The following MCM9 variants were observed in gnomAD, a reference collection of about 807,000 sequenced individuals.
MCM9 encodes the protein minichromosome maintenance 9 homologous recombination repair factor, also known as DNA helicase MCM9.
In MCM9, 55 loss-of-function variants were observed where a neutral mutation model predicts 72.8. That is an observed-to-expected ratio of 0.76 (90% confidence interval 0.61 to 0.95). MCM9 has a LOEUF of 0.95. MCM9 is among the 40% of genes least tolerant of loss of function. The probability of loss-of-function intolerance (pLI) is 0.00; values close to 1 mark genes in which losing one functional copy is unlikely to be tolerated. For synonymous variants in MCM9, 480 were observed against 503.4 expected (o/e 0.95, Z 0.62); for missense variants, 1,279 against 1,377.0 (o/e 0.93, Z 1.13).
chr6:118,815,122 T>C lies in MCM9; in HGVS notation c.3134A>G (p.Asn1045Ser). The C allele has an allele frequency of 6.4e-7, 1 of 1,550,726 alleles. No homozygotes were observed. Among genetic ancestry groups the C allele is most frequent in the African/African-American group, 1.4e-5 (1 of 73,140 alleles). Residue 1045 changes from asparagine (N) to serine (S), a missense_variant, in exon 14 of 14, where the codon AAT becomes AGT. Asn to Ser is a conservative substitution (Grantham distance 46, BLOSUM62 1). Coordinates refer to ENST00000619706, the MANE Select transcript of MCM9 (RefSeq NM_017696.3). ...GDKKEEVSGSNKSGKVHACTL... is the reference protein window; with the variant it reads ...GDKKEEVSGSSKSGKVHACTL... The stretch of plus-strand genomic sequence containing the variant: ...GCAGGCATGAACCTTGCCGCTTTTA[T>C]TACTGCCTGAAACCTCTTCCTTTTT...
intron 12 of MCM9, 56 bp downstream of exon 12, chr6:118,826,726 T>A (rs1213053674): frequency 1.3e-5 from 18 of 1,344,520 alleles, no homozygotes; most frequent in Middle Eastern, 1.8e-4. Context: ...TGTCCTTTTT[T>A]AAAAAAAAGA....
intron 8 of MCM9, among the ~76,000 whole-genome samples, chr6:118,884,948 G>C (rs1373227836): frequency 2.0e-5 from 3 of 152,154 alleles, no homozygotes; most frequent in African/African-American, 7.2e-5. Flanking sequence ...TGTAATCCCA[G>C]CACTTTAGGA....
chr6:118,852,301 G>A (rs765791792), intron 9 of MCM9, among the ~76,000 whole-genome samples: 2 of 151,948 alleles, frequency 1.3e-5, no homozygotes, highest in African/African-American at 2.4e-5. Context: ...TGGTTTAAAG[G>A]AGAAATAATG....
At chr6:118,885,816 A>G (rs192820024) in intron 8 of MCM9, among the ~76,000 whole-genome samples, 2 of 152,346 alleles carry the variant, frequency 1.3e-5, no homozygotes, top group Admixed American at 6.5e-5. Flanking sequence ...AATTCATTCT[A>G]TAGGCAGTAT....
At chr6:118,819,208 G>T (rs1773620693) in intron 13 of MCM9, among the ~76,000 whole-genome samples, 2 of 152,170 alleles carry the variant, frequency 1.3e-5, no homozygotes, top group Admixed American at 1.3e-4. Flanking sequence ...AGTTTTCAAG[G>T]GGAATGCTTC....
chr6:118,861,563 T>C (rs1776906197), intron 8 of MCM9, among the ~76,000 whole-genome samples: 1 of 152,162 alleles, frequency 6.6e-6, no homozygotes, highest in Non-Finnish European at 1.5e-5. Flanking sequence ...CCGAAGTGGG[T>C]AGCTGCTTTC....
intron 8 of MCM9, among the ~76,000 whole-genome samples, chr6:118,858,554 AAAAT>A (rs1776710663): frequency 6.6e-6 from 1 of 152,178 alleles, no homozygotes; most frequent in Non-Finnish European, 1.5e-5. Context: ...TACAGACTGA[AAAAT>A]AAATAAATAA....
intron 8 of MCM9, among the ~76,000 whole-genome samples, chr6:118,906,903 A>C (rs532387853): frequency 4.6e-5 from 7 of 152,192 alleles, no homozygotes; most frequent in Non-Finnish European, 1.0e-4. Context: ...CCATTGATCC[A>C]ATTTGTTATC....
chr6:118,895,585 C>A (rs993374450), intron 8 of MCM9, among the ~76,000 whole-genome samples: 1 of 151,984 alleles, frequency 6.6e-6, no homozygotes, highest in Admixed American at 6.5e-5. Flanking sequence ...TCCAAGAATT[C>A]TTGGTATTTT....
chr6:118,901,890 AC>A (rs1401732092), intron 8 of MCM9, among the ~76,000 whole-genome samples: 2 of 152,188 alleles, frequency 1.3e-5, no homozygotes, highest in Non-Finnish European at 2.9e-5. Flanking sequence ...TTAAATGAAT[AC>A]CATTGGTCAA....
intron 7 of MCM9, 119 bp downstream of exon 7, chr6:118,913,176 G>A: frequency 8.4e-7 from 1 of 1,186,048 alleles, no homozygotes; most frequent in Non-Finnish European, 1.2e-6. Context: ...ACAACTGTCA[G>A]TTTTATAAGA....
chr6:118,892,653 G>A (rs2114462630), intron 8 of MCM9, among the ~76,000 whole-genome samples: 1 of 152,268 alleles, frequency 6.6e-6, no homozygotes, highest in East Asian at 1.9e-4. Flanking sequence ...TAAGAATGAA[G>A]AGTATGTTGT....
intron 8 of MCM9, chr6:118,894,318 T>TGGAGCGGGGGTCTGCGCTCTCC: frequency 4.6e-6 from 7 of 1,510,232 alleles, no homozygotes; most frequent in Non-Finnish European, 6.2e-6. Flanking sequence ...TGGCCGGCGC[T>TGGAGCGGGGGTCTGCGCTCTCC]GGAGCGGGGG....
At chr6:118,837,368 T>C in intron 9 of MCM9, among the ~76,000 whole-genome samples, 1 of 152,260 alleles carries the variant, frequency 6.6e-6, no homozygotes, top group Non-Finnish European at 1.5e-5. Flanking sequence ...GAGAGTTCTG[T>C]AGATGTCTAT....
At position 118,814,070 on chromosome 6, in the gene MCM9, C is replaced by T. The variant is rs1773265249; in HGVS notation, c.*754G>A. 1 of 152,016 alleles carries T rather than the reference C, an allele frequency of 6.6e-6. No homozygotes were observed. Among genetic ancestry groups the T allele is most frequent in the African/African-American group, 2.4e-5 (1 of 41,410 alleles). 9.4% of individuals were successfully genotyped at this position (152,016 alleles called of 1,614,324 possible). A position where few individuals can be genotyped will look rare whatever the true frequency, so the allele number is the denominator to read the frequency against. ...TCACTGTGCCTGGCTCATACTCTCTCTTCTTCTAATCACAGTATTTTACTT... is the reference window on the plus strand; with the variant it reads ...TCACTGTGCCTGGCTCATACTCTCTTTTCTTCTAATCACAGTATTTTACTT... On this transcript the variant is annotated 3_prime_UTR_variant, in exon 14 of 14. Coordinates refer to ENST00000619706, the MANE Select transcript of MCM9 (RefSeq NM_017696.3).
At chr6:118,836,195 A>C (rs1252803104) in intron 9 of MCM9, among the ~76,000 whole-genome samples, 3 of 152,210 alleles carry the variant, frequency 2.0e-5, no homozygotes, top group African/African-American at 7.2e-5. Flanking sequence ...CCAGGGATGA[A>C]GCCAACTTGA....
At chr6:118,868,899 A>G (rs1777395835) in intron 8 of MCM9, among the ~76,000 whole-genome samples, 1 of 152,236 alleles carries the variant, frequency 6.6e-6, no homozygotes. Flanking sequence ...CATTTGACCC[A>G]GCAATCCCAT....
chr6:118,884,863 G>C (rs1778501340), intron 8 of MCM9, among the ~76,000 whole-genome samples: 1 of 152,228 alleles, frequency 6.6e-6, no homozygotes, highest in Non-Finnish European at 1.5e-5. Context: ...AACTCATAAG[G>C]ATAATAAAAC....
At chr6:118,910,195 A>C (rs1466704610) in intron 8 of MCM9, among the ~76,000 whole-genome samples, 1 of 150,776 alleles carries the variant, frequency 6.6e-6, no homozygotes, top group African/African-American at 2.4e-5. Flanking sequence ...TCCTTAGTGC[A>C]CCTTTACTAT....
Sources: allele counts gnomAD v4.1 joint callset (sites outside exome capture counted in the v4.1 genomes callset), GRCh38; gene constraint gnomAD v4.1.1; transcripts MANE v1.5; gene names NCBI Gene and HGNC (gene_info 2026-07-23, HGNC 2026-07-21).